HMX1: variants seen among roughly 807,000 people sequenced by gnomAD.
HMX1 encodes the protein H6 family homeobox 1.
In HMX1, 8 loss-of-function variants were observed where a neutral mutation model predicts 8.9. The ratio of observed to expected loss-of-function variants is 0.90; its 90% CI spans 0.53 to 1.63. HMX1 has a LOEUF of 1.63. Among genes scored for constraint, HMX1 ranks in the 40% most tolerant of loss-of-function variants. HMX1 has a pLI of 0.00. For synonymous variants in HMX1, 311 were observed against 283.4 expected, an observed-to-expected ratio of 1.10 and a Z score of -0.98; for missense variants, 621 against 558.5, an observed-to-expected ratio of 1.11 and a Z score of -1.13.
In HMX1 at chr4:8,846,193, A is replaced by G. The variant is rs900572455; in HGVS notation, c.526T>C (p.Cys176Arg). 27 of 1,391,354 alleles carry G rather than the reference A, an allele frequency of 1.9e-5. 1 individual carries two copies. The highest frequency in any genetic ancestry group is 6.2e-5 in the South Asian group (5 of 80,618). The allele number at this position is 1,391,354 out of a possible 1,614,324, so 86.2% of individuals were successfully genotyped here. A position where few individuals can be genotyped will look rare whatever the true frequency, so the allele number is the denominator to read the frequency against. ...AAAGGCTCCACCGTGTTGTGGCTGCACCATCCAGTCCCTGCGGCCTCCTCC... is the reference window on the plus strand; with the variant it reads ...AAAGGCTCCACCGTGTTGTGGCTGCGCCATCCAGTCCCTGCGGCCTCCTCC... The change falls in exon 2 of 2, where the codon TGC becomes CGC. Residue 176 changes from cysteine (C) to arginine (R), a missense_variant. Physicochemically the swap from Cys to Arg is radical, Grantham distance 180. Coordinates refer to the HMX1 transcript ENST00000506970.
chr4:8,857,409 G>A (rs911420132), intron 1 of HMX1, among the ~76,000 whole-genome samples: 6 of 152,162 alleles, frequency 3.9e-5, no homozygotes, highest in Admixed American at 3.9e-4. Context: ...CGGGGTCTGG[G>A]GCAGCCTCCG....
In HMX1 at chr4:8,870,589, G is replaced by C. The variant is rs369537690; in HGVS notation, c.394+632C>G. 1.3e-5 allele frequency among the ~76,000 whole-genome samples: 2 copies of C among 152,066 alleles called. No individual in the cohort carries two copies. Among genetic ancestry groups the C allele is most frequent in the African/African-American group, 4.8e-5 (2 of 41,402 alleles). On this transcript the variant is annotated intron_variant, in intron 1 of 1. Coordinates refer to ENST00000400677, the MANE Select transcript of HMX1 (RefSeq NM_018942.3). This position sits in a 1 kb window ranked among gnomAD's most constrained non-coding sequence, Gnocchi z 4.4. ...GCCCCTGCCCCAGGCTGTCTGCAGC[G>C]GGCACAGAGGAAACAGGACTCTGGG...
Position 8,871,391 on chromosome 4 carries a change from G to C in HMX1, c.224C>G (p.Thr75Ser), listed in dbSNP as rs1722214838. 9.6e-6 allele frequency: 12 copies of C among 1,249,162 alleles called. No homozygotes were observed. The highest frequency in any genetic ancestry group is 1.1e-5 in the Non-Finnish European group (11 of 993,994). The allele number at this position is 1,249,162 out of a possible 1,614,324, so 77.4% of individuals were successfully genotyped here. Residue 75 changes from threonine to serine, a missense_variant, in exon 1 of 2, where the codon ACC becomes AGC. Transcript: ENST00000400677. This position sits in a 1 kb window ranked among gnomAD's most constrained non-coding sequence, Gnocchi z 4.8. ...GGCCCGCGCCTCCCCGCCGGGCCCG[G>C]TGCCCGCGAGCAACTGTCGCCGCCG... ...LQRRRQLLAG[T>S]GPGGEARARA...
At position 8,867,668 on chromosome 4, in the gene HMX1, G is replaced by A; in HGVS notation, c.*25C>T. On this transcript the variant is annotated 3_prime_UTR_variant, in exon 2 of 2. Coordinates refer to ENST00000400677, the MANE Select transcript of HMX1 (RefSeq NM_018942.3). The stretch of plus-strand genomic sequence containing the variant: ...CGTCCACACAGGTCCACAGGGTCGT[G>A]GGGAGAGGGCCCGGCAGGCGGGGCT... 1 of 1,238,338 alleles carries A rather than the reference G, an allele frequency of 8.1e-7. No homozygotes were observed. Among genetic ancestry groups the A allele is most frequent in the Non-Finnish European group, 1.0e-6 (1 of 991,410 alleles). 76.7% of individuals were successfully genotyped at this position (1,238,338 alleles called of 1,614,324 possible).
chr4:8,867,804 C>G lies in HMX1; in HGVS notation c.936G>C (p.Ala312=). The G allele has an allele frequency of 8.1e-7, 1 of 1,229,200 alleles. No homozygotes were observed. The highest frequency in any genetic ancestry group is 1.0e-6 in the Non-Finnish European group (1 of 988,732). The allele number at this position is 1,229,200 out of a possible 1,614,324, so 76.1% of individuals were successfully genotyped here. Reference sequence around the variant, plus strand: ...AGAAGCCGAGCAGCGGTGGGGGCGGCGCGGGCGCGGCGGGCGCCAGCGGGA... The same window carrying G: ...AGAAGCCGAGCAGCGGTGGGGGCGGGGCGGGCGCGGCGGGCGCCAGCGGGA... ...LPFPLAPAAP[A]PPPPLLGFSG... Residue 312 remains alanine (A), a synonymous_variant, in exon 2 of 2, where the codon GCG becomes GCC. Coordinates refer to ENST00000400677, the MANE Select transcript of HMX1 (RefSeq NM_018942.3).
rs978625186 is a variant in HMX1, at chr4:8,849,935, G to C, written c.395-3611C>G. 1.1e-4 allele frequency among the ~76,000 whole-genome samples: 17 copies of C among 152,334 alleles called. 1 individual carries two copies. The highest frequency in any genetic ancestry group is 3.6e-4 in the African/African-American group (15 of 41,582). ...CCGATGGGAGGGACACAGGTGGGCA[G>C]GTGACAAAGGAAGTGGCCAAGGGTG... On this transcript the variant is annotated intron_variant, in intron 1 of 1. Coordinates refer to the HMX1 transcript ENST00000506970. The surrounding 1 kb of genome is among the most constrained non-coding windows in gnomAD (Gnocchi z 6.6).
intron 1 of HMX1, among the ~76,000 whole-genome samples, chr4:8,859,940 G>A (rs1030272255): frequency 1.3e-5 from 2 of 152,248 alleles, no homozygotes; most frequent in Non-Finnish European, 2.9e-5. Context: ...CCCAATTCCC[G>A]CCACCATGTT....
chr4:8,867,088 G>GA lies in HMX1; in HGVS notation c.*604dup. The GA allele has an allele frequency of 1.0e-6, 1 of 985,406 alleles. No homozygotes were observed. Among genetic ancestry groups the GA allele is most frequent in the Non-Finnish European group, 1.2e-6 (1 of 829,930 alleles). 61.0% of individuals were successfully genotyped at this position (985,406 alleles called of 1,614,324 possible). A position where few individuals can be genotyped will look rare whatever the true frequency, so the allele number is the denominator to read the frequency against. On this transcript the variant is annotated 3_prime_UTR_variant, in exon 2 of 2. Transcript: ENST00000400677. The stretch of plus-strand genomic sequence containing the variant: ...TTTTTATTCCATACGCAAATAAGTA[G>GA]ATTCATTTAAAAAAACAACAACCCG...
intron 1 of HMX1, among the ~76,000 whole-genome samples, chr4:8,850,072 C>T (rs918957515): frequency 1.3e-5 from 2 of 152,200 alleles, no homozygotes; most frequent in East Asian, 1.9e-4. Context: ...AAGCCTGGCA[C>T]CTGATAGGCA....
chr4:8,852,581 C>T (rs1721488029), intron 1 of HMX1, among the ~76,000 whole-genome samples: 1 of 152,186 alleles, frequency 6.6e-6, no homozygotes, highest in Non-Finnish European at 1.5e-5. Context: ...GGACGCATCC[C>T]ACCCCTGTGT....
At chr4:8,863,760 A>G (rs1371128534), downstream of HMX1, among the ~76,000 whole-genome samples, 1 of 152,242 alleles carries the variant, frequency 6.6e-6, no homozygotes, top group African/African-American at 2.4e-5. Context: ...TGGAGTGGCC[A>G]AGGGCGGTGG....
rs1257531646 is a variant in HMX1, at chr4:8,871,237, G to A, written c.378C>T (p.Gly126=). The change falls in exon 1 of 2, where the codon GGC becomes GGT. Residue 126 remains glycine, a synonymous_variant. Transcript: ENST00000400677. The surrounding 1 kb of genome is among the most constrained non-coding windows in gnomAD (Gnocchi z 4.8). ...WYPRAHGGYG[G]GLSPDTSDRD... ...CTCACTCACTGTCAGGACTGAGGCC[G>A]CCTCCATAGCCACCGTGCGCCCGTG... is the stretch of plus-strand genomic sequence containing the variant. 2 of 1,482,404 alleles carry A rather than the reference G, an allele frequency of 1.3e-6. No homozygotes were observed. Among genetic ancestry groups the A allele is most frequent in the Non-Finnish European group, 1.8e-6 (2 of 1,123,332 alleles). 91.8% of individuals were successfully genotyped at this position (1,482,404 alleles called of 1,614,324 possible).
In HMX1 at chr4:8,870,999, C is replaced by T. The variant is rs560801662; in HGVS notation, c.394+222G>A. Among the ~76,000 whole-genome samples, 1 of 152,258 alleles carries T rather than the reference C, an allele frequency of 6.6e-6. No homozygotes were observed. Among genetic ancestry groups the T allele is most frequent in the East Asian group, 1.9e-4 (1 of 5,152 alleles). ...AGCCCGGCAATGGGTGAAGCTATGG[C>T]CTGCAAAACCTCCTCGTTAGCGGAG... is the stretch of plus-strand genomic sequence containing the variant. On this transcript the variant is annotated intron_variant, in intron 1 of 1. Transcript: ENST00000400677. This position sits in a 1 kb window ranked among gnomAD's most constrained non-coding sequence, Gnocchi z 4.4.
At position 8,868,417 on chromosome 4, in the gene HMX1, G is replaced by T; in HGVS notation, c.395-72C>A. Reference sequence around the variant, plus strand: ...CCAGACTCAATCACTGAGGCCAGCCGTCCCCACCTTGAGGTCGCTCACAGC... The same window carrying T: ...CCAGACTCAATCACTGAGGCCAGCCTTCCCCACCTTGAGGTCGCTCACAGC... On this transcript the variant is annotated intron_variant, in intron 1 of 1. Transcript: ENST00000400677. The surrounding 1 kb of genome is among the most constrained non-coding windows in gnomAD (Gnocchi z 4.6). 6.9e-6 allele frequency: 8 copies of T among 1,160,270 alleles called. No homozygotes were observed. The highest frequency in any genetic ancestry group is 7.7e-6 in the Non-Finnish European group (7 of 913,642). 71.9% of individuals were successfully genotyped at this position (1,160,270 alleles called of 1,614,324 possible).
Position 8,871,144 on chromosome 4 carries a change from C to T in HMX1, c.394+77G>A. 7.9e-7 allele frequency: 1 copy of T among 1,265,658 alleles called. No individual in the cohort carries two copies. Among genetic ancestry groups the T allele is most frequent in the Non-Finnish European group, 1.0e-6 (1 of 995,766 alleles). 78.4% of individuals were successfully genotyped at this position (1,265,658 alleles called of 1,614,324 possible). ...TGGCCCAGAACGGGCGGCGACGAGC[C>T]CGAAGTCCCCCAGCAAATGCGCAGG... On this transcript the variant is annotated intron_variant, in intron 1 of 1. Coordinates refer to ENST00000400677, the MANE Select transcript of HMX1 (RefSeq NM_018942.3). The surrounding 1 kb of genome is among the most constrained non-coding windows in gnomAD (Gnocchi z 4.8).
Position 8,849,817 on chromosome 4 carries a change from A to G in HMX1, c.395-3493T>C, listed in dbSNP as rs923991483. 1.8e-4 allele frequency among the ~76,000 whole-genome samples: 28 copies of G among 152,182 alleles called. No individual in the cohort carries two copies. Among genetic ancestry groups the G allele is most frequent in the Admixed American group, 8.5e-4 (13 of 15,282 alleles). On this transcript the variant is annotated intron_variant, in intron 1 of 1. Coordinates refer to the HMX1 transcript ENST00000506970. This position sits in a 1 kb window ranked among gnomAD's most constrained non-coding sequence, Gnocchi z 6.6. ...CTGAGCTGGAACAGCCCCTCCGGGC[A>G]TCGGGTGTGGTCTGCCATTTGTCAT...
chr4:8,862,360 T>G (rs912661102), downstream of HMX1, among the ~76,000 whole-genome samples: 1 of 152,252 alleles, frequency 6.6e-6, no homozygotes. Flanking sequence ...CTAATGTTTC[T>G]TGGTAGTCAC....
At chr4:8,865,103 C>T (rs1721953509), downstream of HMX1, among the ~76,000 whole-genome samples, 1 of 152,142 alleles carries the variant, frequency 6.6e-6, no homozygotes, top group Non-Finnish European at 1.5e-5. Flanking sequence ...TCAGGTGACT[C>T]CTGGAGTGGT....
downstream of HMX1, chr4:8,866,950 G>A (rs191977119): frequency 2.1e-6 from 1 of 483,506 alleles, no homozygotes; most frequent in Non-Finnish European, 2.7e-6. Flanking sequence ...CTGGGCTCCA[G>A]GTGTCCCCAG....
Sources: gnomAD v4.1 joint callset for allele counts (sites outside exome capture counted in the v4.1 genomes callset) on GRCh38, gnomAD v4.1.1 for gene constraint, Gnocchi (gnomAD v3.1) non-coding constraint, MANE v1.5 for transcripts, NCBI Gene and HGNC (gene_info 2026-07-23, HGNC 2026-07-21) for gene names.